The following ARHGAP39 variants were observed in gnomAD, a reference collection of about 807,000 sequenced individuals.
The protein encoded by ARHGAP39 is rho GTPase-activating protein 39.
Under a neutral mutation model 106.9 loss-of-function variants are expected in ARHGAP39, and 44 were observed. The observed-to-expected ratio is 0.41, with a 90% CI of 0.32 to 0.53. ARHGAP39 has a LOEUF of 0.53. Among genes scored for constraint, ARHGAP39 ranks in the 20% least tolerant of loss-of-function variants. The pLI, the probability that ARHGAP39 is intolerant of heterozygous loss-of-function variation, is 0.21. For synonymous variants in ARHGAP39, 768 were observed against 693.2 expected (o/e 1.11, Z -1.69); for missense variants, 1,496 against 1,577.3 (o/e 0.95, Z 0.87).
chr8:144,578,594 T>A (rs561075224), intron 3 of ARHGAP39, among the ~76,000 whole-genome samples: 1 of 152,190 alleles, frequency 6.6e-6, no homozygotes, highest in Non-Finnish European at 1.5e-5. Context: ...ATGTCTGTAA[T>A]CCCAGTGCTT....
Position 144,685,687 on chromosome 8 carries a change from G to C in ARHGAP39, c.-83C>G, listed in dbSNP as rs1169947687. ...ACCGCCCGTTGCCCGCGCTCTCACC[G>C]GCCGGCTGCGCGCGGGCCGCGCCGC... On this transcript the variant is annotated splice_region_variant and 5_prime_UTR_variant, in exon 1 of 12. Transcript: ENST00000377307. Among the ~76,000 whole-genome samples the C allele has an allele frequency of 8.1e-5, 12 of 147,972 alleles. No individual in the cohort carries two copies. Among genetic ancestry groups the C allele is most frequent in the African/African-American group, 2.9e-4 (12 of 41,056 alleles).
intron 2 of ARHGAP39, 108 bp downstream of exon 2, chr8:144,605,427 C>T: frequency 8.4e-7 from 1 of 1,195,234 alleles, no homozygotes; most frequent in Non-Finnish European, 1.2e-6. Flanking sequence ...AGCGACGAAT[C>T]CATTCTCCAC....
At chr8:144,590,596 T>C (rs1248822418) in intron 2 of ARHGAP39, among the ~76,000 whole-genome samples, 1 of 152,174 alleles carries the variant, frequency 6.6e-6, no homozygotes, top group Non-Finnish European at 1.5e-5. Flanking sequence ...CTTTTCTTTA[T>C]AAAATACCCA....
At chr8:144,678,401 A>AC (rs1276656488) in intron 1 of ARHGAP39, among the ~76,000 whole-genome samples, 1 of 152,138 alleles carries the variant, frequency 6.6e-6, no homozygotes. Flanking sequence ...GGGGTGGAGC[A>AC]CCTGAGGACA....
chr8:144,681,594 G>C (rs1178350952), intron 1 of ARHGAP39, among the ~76,000 whole-genome samples: 2 of 152,174 alleles, frequency 1.3e-5, no homozygotes, highest in African/African-American at 4.8e-5. Flanking sequence ...AGCCTACCAG[G>C]AGGCTGCATT....
At chr8:144,627,854 C>A (rs1820964733) in intron 1 of ARHGAP39, among the ~76,000 whole-genome samples, 1 of 152,252 alleles carries the variant, frequency 6.6e-6, no homozygotes, top group South Asian at 2.1e-4. Context: ...GGACCCCTTG[C>A]CCTCCCAGTC....
At chr8:144,680,301 A>G (rs1351421221) in intron 1 of ARHGAP39, among the ~76,000 whole-genome samples, 1 of 152,228 alleles carries the variant, frequency 6.6e-6, no homozygotes, top group African/African-American at 2.4e-5. Context: ...AATGGCCCAG[A>G]TAACAAAGGG....
At chr8:144,577,701 C>T (rs1818826944) in intron 3 of ARHGAP39, among the ~76,000 whole-genome samples, 1 of 152,174 alleles carries the variant, frequency 6.6e-6, no homozygotes, top group Non-Finnish European at 1.5e-5. Flanking sequence ...AAGATCAACA[C>T]ACAATCAGTT....
intron 1 of ARHGAP39, among the ~76,000 whole-genome samples, chr8:144,609,033 A>G (rs1325774790): frequency 6.6e-6 from 1 of 152,136 alleles, no homozygotes; most frequent in Admixed American, 6.5e-5. Flanking sequence ...TCCAAACTAG[A>G]TCCTTTATTT....
At chr8:144,639,436 T>C (rs1821256519) in intron 1 of ARHGAP39, among the ~76,000 whole-genome samples, 1 of 152,066 alleles carries the variant, frequency 6.6e-6, no homozygotes, top group Non-Finnish European at 1.5e-5. Flanking sequence ...AAAAAAGAAC[T>C]TCTTAAATCA....
chr8:144,663,523 C>A (rs1821886848), intron 1 of ARHGAP39, among the ~76,000 whole-genome samples: 1 of 152,200 alleles, frequency 6.6e-6, no homozygotes, highest in Non-Finnish European at 1.5e-5. Context: ...ACCTCCAACA[C>A]TGGGGATTAA....
intron 2 of ARHGAP39, among the ~76,000 whole-genome samples, chr8:144,602,593 G>A (rs1313851417): frequency 6.7e-5 from 9 of 133,802 alleles, no homozygotes; most frequent in Non-Finnish European, 1.3e-4. Flanking sequence ...TGTGTGTGGA[G>A]GTGTGTGTGC....
the ARHGAP39 span, among the ~76,000 whole-genome samples, chr8:144,692,144 C>A: frequency 1.3e-5 from 2 of 152,114 alleles, no homozygotes; most frequent in Admixed American, 6.5e-5. Flanking sequence ...TTTGGCTTCC[C>A]TGCTGTCTCT....
intron 1 of ARHGAP39, among the ~76,000 whole-genome samples, chr8:144,619,896 C>A (rs1326075869): frequency 7.2e-6 from 1 of 138,924 alleles, no homozygotes; most frequent in Non-Finnish European, 1.6e-5. Context: ...GCCTGTACAT[C>A]CCTGAGAGAG....
intron 1 of ARHGAP39, among the ~76,000 whole-genome samples, chr8:144,628,626 G>A (rs765898991): frequency 8.5e-5 from 13 of 152,290 alleles, no homozygotes; most frequent in Admixed American, 2.0e-4. Context: ...CAAGATCACC[G>A]ATCTAGAAGA....
intron 2 of ARHGAP39, among the ~76,000 whole-genome samples, chr8:144,588,930 G>T (rs961570384): frequency 3.3e-5 from 5 of 152,360 alleles, no homozygotes; most frequent in African/African-American, 4.8e-5. Context: ...CCTCCAGGCC[G>T]TGCAGGTCAC....
At chr8:144,643,432 G>A (rs1050871049) in intron 1 of ARHGAP39, among the ~76,000 whole-genome samples, 15 of 152,088 alleles carry the variant, frequency 9.9e-5, no homozygotes, top group Non-Finnish European at 1.6e-4. Context: ...CAGCCTAGGC[G>A]ACAGAGCCAG....
At chr8:144,618,399 T>G (rs996451215) in intron 1 of ARHGAP39, among the ~76,000 whole-genome samples, 14 of 152,240 alleles carry the variant, frequency 9.2e-5, no homozygotes, top group African/African-American at 3.4e-4. Context: ...TTTACTGATG[T>G]GGAATTTTTG....
intron 1 of ARHGAP39, among the ~76,000 whole-genome samples, chr8:144,632,799 C>T (rs1416706980): frequency 6.6e-6 from 1 of 152,222 alleles, no homozygotes; most frequent in Non-Finnish European, 1.5e-5. Context: ...CTCACAAACC[C>T]AAACTCCAAA....
Sources: gnomAD v4.1 joint callset for allele counts (sites outside exome capture counted in the v4.1 genomes callset) on GRCh38, gnomAD v4.1.1 for gene constraint, MANE v1.5 for transcripts, NCBI Gene and HGNC (gene_info 2026-07-23, HGNC 2026-07-21) for gene names.